The following VAT1L variants were observed in gnomAD, a reference collection of about 807,000 sequenced individuals.
VAT1L encodes the protein vesicle amine transport 1 like, also known as putative NADPH-dependent quinone oxidoreductase VAT1L.
In VAT1L, 34 loss-of-function variants were observed where a neutral mutation model predicts 44.1. That is an observed-to-expected ratio of 0.77 (90% CI 0.59 to 1.03). The LOEUF is 1.03. Among genes scored for constraint, VAT1L ranks in the 50% least tolerant of loss-of-function variants. The pLI, the probability that VAT1L is intolerant of heterozygous loss-of-function variation, is 0.00. For synonymous variants in VAT1L, 253 were observed against 202.2 expected (o/e 1.25, Z -2.13); for missense variants, 615 against 538.8 (o/e 1.14, Z -1.40).
chr16:77,877,264 A>G (rs1193112753), intron 5 of VAT1L, among the ~76,000 whole-genome samples: 2 of 152,104 alleles, frequency 1.3e-5, no homozygotes, highest in Non-Finnish European at 2.9e-5. Flanking sequence ...TAATCCCAGC[A>G]CTTTGGGAGG....
At chr16:77,892,498 A>G (rs2017278389) in intron 7 of VAT1L, 1 of 548,800 alleles carries the variant, frequency 1.8e-6, no homozygotes, top group South Asian at 1.4e-5. Flanking sequence ...AGCTGTTTGC[A>G]GACAAGTTTC....
intron 1 of VAT1L, 80 bp downstream of exon 1, chr16:77,788,995 G>A (rs2015782779): frequency 7.1e-7 from 1 of 1,410,798 alleles, no homozygotes. Flanking sequence ...CTGCGGCTGG[G>A]ATGCTGCCCG....
intron 3 of VAT1L, among the ~76,000 whole-genome samples, chr16:77,826,033 G>GAAA (rs1157288505): frequency 1.3e-4 from 1 of 7,984 alleles, no homozygotes; most frequent in Non-Finnish European, 3.0e-4. Context: ...AAAAAAAAAA[G>GAAA]AAAAAAAAAA....
At chr16:77,952,379 C>T (rs1029444901) in intron 7 of VAT1L, among the ~76,000 whole-genome samples, 68 of 152,124 alleles carry the variant, frequency 4.5e-4, no homozygotes, top group African/African-American at 1.6e-3. Context: ...GGAGCAGGTC[C>T]CTCATGAATG....
intron 7 of VAT1L, among the ~76,000 whole-genome samples, chr16:77,943,484 C>T (rs2017917856): frequency 6.6e-6 from 1 of 150,822 alleles, no homozygotes; most frequent in East Asian, 2.0e-4. Flanking sequence ...ACTGCAAGCT[C>T]CACCTCCCGG....
chr16:77,839,258 G>A (rs1249375917), intron 3 of VAT1L, among the ~76,000 whole-genome samples: 3 of 151,944 alleles, frequency 2.0e-5, no homozygotes, highest in African/African-American at 4.8e-5. Context: ...CAACACGGCC[G>A]GGCGCGATGG....
intron 7 of VAT1L, among the ~76,000 whole-genome samples, chr16:77,963,547 A>C (rs1277722880): frequency 1.3e-5 from 2 of 152,112 alleles, no homozygotes; most frequent in Admixed American, 1.3e-4. Context: ...TTGTGCTTCA[A>C]GTCACTGTTG....
chr16:77,915,867 A>G (rs1002508198), intron 7 of VAT1L, among the ~76,000 whole-genome samples: 2 of 152,192 alleles, frequency 1.3e-5, no homozygotes, highest in African/African-American at 4.8e-5. Context: ...AAGTTAGACG[A>G]GGAAGGGAAG....
At chr16:77,966,428 G>C (rs1161605785) in intron 7 of VAT1L, among the ~76,000 whole-genome samples, 1 of 152,070 alleles carries the variant, frequency 6.6e-6, no homozygotes, top group Non-Finnish European at 1.5e-5. Flanking sequence ...TCAGGACCAG[G>C]GCACTCCAGG....
chr16:77,965,008 T>C (rs969896241), intron 7 of VAT1L, among the ~76,000 whole-genome samples: 1 of 151,956 alleles, frequency 6.6e-6, no homozygotes, highest in African/African-American at 2.4e-5. Context: ...CAGGCTAGCC[T>C]TGAACTCCCG....
chr16:77,825,089 A>G (rs534342132), intron 2 of VAT1L, among the ~76,000 whole-genome samples, 157 bp from the exon 3 acceptor site: 4 of 151,382 alleles, frequency 2.6e-5, no homozygotes, highest in African/African-American at 9.7e-5. Context: ...CTGGTCTTGA[A>G]CTCCTGATCT....
rs1262280346 is a variant in VAT1L, at chr16:77,879,287, G to T, written c.882+63G>T. 6.5e-7 allele frequency: 1 copy of T among 1,541,774 alleles called. No homozygotes were observed. Among genetic ancestry groups the T allele is most frequent in the African/African-American group, 1.4e-5 (1 of 73,228 alleles). ...TGTTGATTCACATGTTGAGAGCTTT[G>T]TTTTTGTTTGTTTGTTTGTTTTGAG... On this transcript the variant is annotated intron_variant, in intron 6 of 8. Coordinates refer to ENST00000302536, the MANE Select transcript of VAT1L (RefSeq NM_020927.3). The surrounding 1 kb of genome is among the most constrained non-coding windows in gnomAD (Gnocchi z 4.1).
At chr16:77,813,049 G>C (rs958188725) in intron 1 of VAT1L, among the ~76,000 whole-genome samples, 1 of 152,062 alleles carries the variant, frequency 6.6e-6, no homozygotes, top group Non-Finnish European at 1.5e-5. Flanking sequence ...GAGTCATCAG[G>C]CATAGTCATT....
chr16:77,802,926 C>T (rs113917528), intron 1 of VAT1L, among the ~76,000 whole-genome samples: 219 of 152,192 alleles, frequency 1.4e-3, no homozygotes, highest in African/African-American at 5.1e-3. Context: ...TCTCAGTTTC[C>T]TTCTCACCAT....
chr16:77,808,236 T>A (rs1449686293), intron 1 of VAT1L, among the ~76,000 whole-genome samples: 1 of 152,100 alleles, frequency 6.6e-6, no homozygotes, highest in Non-Finnish European at 1.5e-5. Flanking sequence ...GAGCTGCACA[T>A]GTGAGGGATC....
intron 7 of VAT1L, among the ~76,000 whole-genome samples, chr16:77,886,620 A>G (rs536806026): frequency 2.6e-5 from 4 of 152,366 alleles, no homozygotes; most frequent in Admixed American, 1.3e-4. Flanking sequence ...TGGAGCTACA[A>G]TGATGAACAA....
At chr16:77,863,243 G>T (rs1324507655) in intron 4 of VAT1L, among the ~76,000 whole-genome samples, 2 of 152,172 alleles carry the variant, frequency 1.3e-5, no homozygotes, top group Non-Finnish European at 2.9e-5. Context: ...AGAGACCCAG[G>T]CTCTTTTCAT....
intron 7 of VAT1L, 75 bp from the exon 8 acceptor site, chr16:77,971,775 A>G (rs551071161): frequency 4.7e-6 from 7 of 1,482,398 alleles, no homozygotes; most frequent in Middle Eastern, 2.0e-4. Flanking sequence ...TGACAGTTTG[A>G]GTTCTCCAGG....
intron 8 of VAT1L, among the ~76,000 whole-genome samples, chr16:77,972,288 C>T (rs1416650589): frequency 6.6e-6 from 1 of 152,162 alleles, no homozygotes; most frequent in Non-Finnish European, 1.5e-5. Flanking sequence ...CAGCTGCTTC[C>T]GAGATGCTCC....
Sources: gnomAD v4.1 joint callset for allele counts (sites outside exome capture counted in the v4.1 genomes callset) on GRCh38, gnomAD v4.1.1 for gene constraint, Gnocchi (gnomAD v3.1) non-coding constraint, MANE v1.5 for transcripts, NCBI Gene and HGNC (gene_info 2026-07-23, HGNC 2026-07-21) for gene names.